Variants in DIAPH3 observed in about 807,000 individuals in gnomAD.
DIAPH3 encodes protein diaphanous homolog 3.
A neutral mutation model predicts 144.3 loss-of-function variants in DIAPH3; 117 were observed. The ratio of observed to expected loss-of-function variants is 0.81; its 90% confidence interval spans 0.70 to 0.95. The LOEUF is 0.95. Ranked by LOEUF, DIAPH3 falls within the 40% of genes least tolerant of loss-of-function variation. DIAPH3 has a pLI of 0.00. For synonymous variants in DIAPH3, 519 were observed against 488.9 expected, an observed-to-expected ratio of 1.06 and a Z score of -0.81; for missense variants, 1,421 against 1,412.7, an observed-to-expected ratio of 1.01 and a Z score of -0.09.
At chr13:59,687,984 A>C (rs935457250) in intron 27 of DIAPH3, among the ~76,000 whole-genome samples, 1 of 152,114 alleles carries the variant, frequency 6.6e-6, no homozygotes, top group African/African-American at 2.4e-5. Context: ...GATTGTATTG[A>C]AGCCTTCAGA....
At chr13:60,023,485 G>A (rs2054164695) in intron 5 of DIAPH3, among the ~76,000 whole-genome samples, 1 of 151,434 alleles carries the variant, frequency 6.6e-6, no homozygotes, top group Admixed American at 6.6e-5. Flanking sequence ...CCAAACTGGA[G>A]GGCAGTGGTG....
At chr13:59,981,723 A>C (rs1009741248) in intron 13 of DIAPH3, among the ~76,000 whole-genome samples, 1 of 151,414 alleles carries the variant, frequency 6.6e-6, no homozygotes, top group African/African-American at 2.4e-5. Context: ...AAATAAGTCA[A>C]CAAAGTTACT....
chr13:59,871,367 G>A (rs2044267012), intron 21 of DIAPH3, among the ~76,000 whole-genome samples: 1 of 152,080 alleles, frequency 6.6e-6, no homozygotes, highest in African/African-American at 2.4e-5. Flanking sequence ...CACCTGCATT[G>A]CTTCCAGTTT....
intron 24 of DIAPH3, among the ~76,000 whole-genome samples, chr13:59,826,049 C>T (rs1216518045): frequency 1.3e-5 from 2 of 152,120 alleles, no homozygotes; most frequent in Non-Finnish European, 2.9e-5. Flanking sequence ...TAAGAGTTAT[C>T]TAGGACAAAC....
chr13:60,132,490 G>A (rs778640115), intron 2 of DIAPH3, among the ~76,000 whole-genome samples: 1 of 152,092 alleles, frequency 6.6e-6, no homozygotes, highest in Non-Finnish European at 1.5e-5. Flanking sequence ...GTGTTACTAT[G>A]AGAAGCCCTA....
chr13:59,747,000 TA>T (rs1457092495), intron 27 of DIAPH3, among the ~76,000 whole-genome samples: 1 of 152,188 alleles, frequency 6.6e-6, no homozygotes, highest in Non-Finnish European at 1.5e-5. Context: ...AATATATAAT[TA>T]CTTGGAAACA....
At chr13:59,693,876 T>C (rs1054051081) in intron 27 of DIAPH3, among the ~76,000 whole-genome samples, 29 of 152,278 alleles carry the variant, frequency 1.9e-4, no homozygotes, top group Admixed American at 1.8e-3. Context: ...TTCAAGGAAA[T>C]AGTTTCTGAA....
intron 1 of DIAPH3, among the ~76,000 whole-genome samples, chr13:60,162,803 TCTCTCTCACACACA>T (rs781302130): frequency 7.2e-6 from 1 of 138,444 alleles, no homozygotes; most frequent in Non-Finnish European, 1.6e-5. Context: ...TCTCTCTCTC[TCTCTCTCACACACA>T]CACACACACA....
intron 27 of DIAPH3, among the ~76,000 whole-genome samples, chr13:59,740,518 C>A (rs1037832344): frequency 6.6e-6 from 1 of 152,120 alleles, no homozygotes; most frequent in Non-Finnish European, 1.5e-5. Flanking sequence ...GCTGGGATTT[C>A]CCAGATGCTA....
intron 22 of DIAPH3, among the ~76,000 whole-genome samples, chr13:59,854,793 G>A (rs1178931030): frequency 2.0e-5 from 3 of 152,238 alleles, no homozygotes; most frequent in South Asian, 2.1e-4. Flanking sequence ...CTTCAAATCC[G>A]TAGCTGGCCC....
intron 25 of DIAPH3, among the ~76,000 whole-genome samples, chr13:59,803,177 TAC>T (rs1320597917): frequency 6.6e-6 from 1 of 152,176 alleles, no homozygotes; most frequent in Admixed American, 6.5e-5. Context: ...TTATCAAAGT[TAC>T]AGAGTTTTCC....
chr13:60,134,066 T>C (rs767854074), intron 1 of DIAPH3, among the ~76,000 whole-genome samples: 16 of 152,206 alleles, frequency 1.1e-4, no homozygotes, highest in Admixed American at 6.5e-5. Context: ...ACAATGTAAA[T>C]CACCATCCCA....
intron 4 of DIAPH3, among the ~76,000 whole-genome samples, chr13:60,069,852 A>G (rs1182507091): frequency 6.6e-6 from 1 of 152,156 alleles, no homozygotes; most frequent in South Asian, 2.1e-4. Flanking sequence ...TTTTTGTACA[A>G]ATACCATGCT....
intron 5 of DIAPH3, among the ~76,000 whole-genome samples, chr13:60,030,424 CCAAA>C (rs2054703973): frequency 6.6e-6 from 1 of 152,036 alleles, no homozygotes; most frequent in Admixed American, 6.6e-5. Flanking sequence ...ATCTAGTATT[CCAAA>C]CAGAGAATAC....
intron 7 of DIAPH3, among the ~76,000 whole-genome samples, chr13:60,011,089 G>A (rs553710890): frequency 6.6e-6 from 1 of 151,610 alleles, no homozygotes; most frequent in South Asian, 2.1e-4. Flanking sequence ...TGGGCAACAA[G>A]AGCAAAACTC....
chr13:59,666,667 C>A lies in DIAPH3; in HGVS notation c.3499G>T (p.Glu1167Ter). 1 of 1,613,952 alleles carries A rather than the reference C, an allele frequency of 6.2e-7. No individual in the cohort carries two copies. The highest frequency in any genetic ancestry group is 1.1e-5 in the South Asian group (1 of 91,074). The change falls in exon 28 of 28, where the codon GAA becomes TAA. Residue 1167 changes from glutamate (E) to a stop codon, truncating the protein, a stop_gained. Coordinates refer to ENST00000400324, the MANE Select transcript of DIAPH3 (RefSeq NM_001042517.2). LOFTEE classifies it high-confidence loss of function. ...ACNVESNRKK[E>*]TELLGSFSKN... ...GAAAAAGAGCCAAGAAGTTCCGTTT[C>A]CTTTTTTCTGTTGCTTTCTACATTA...
At chr13:59,888,015 A>G (rs1252514785) in intron 20 of DIAPH3, among the ~76,000 whole-genome samples, 1 of 152,078 alleles carries the variant, frequency 6.6e-6, no homozygotes, top group African/African-American at 2.4e-5. Context: ...ACACATACCC[A>G]TGATATTTTT....
intron 20 of DIAPH3, 106 bp downstream of exon 20, chr13:59,911,627 ATG>A: frequency 1.2e-6 from 1 of 813,920 alleles, no homozygotes; most frequent in Non-Finnish European, 2.1e-6. Flanking sequence ...TGGATATTAA[ATG>A]TATGTGATTA....
At position 60,093,648 on chromosome 13, in the gene DIAPH3, T is replaced by C. The variant is rs193164225; in HGVS notation, c.475A>G (p.Ile159Val). Residue 159 changes from isoleucine to valine, a missense_variant, in exon 4 of 28, where the codon ATT becomes GTT. Ile to Val is a conservative substitution (Grantham distance 29, BLOSUM62 3). Transcript: ENST00000400324. ...CTTACTGTCTTAGAAGCAGTATTAA[T>C]GTACTGCATCACCATTTCTTTTTTG... ...SIKKEMVMQY[I>V]NTASKTGSLK... The C allele has an allele frequency of 6.2e-7, 1 of 1,606,412 alleles. No homozygotes were observed. Among genetic ancestry groups the C allele is most frequent in the Non-Finnish European group, 8.5e-7 (1 of 1,173,914 alleles).
Sources: gnomAD v4.1 joint callset for allele counts (sites outside exome capture counted in the v4.1 genomes callset) on GRCh38, gnomAD v4.1.1 for gene constraint, MANE v1.5 for transcripts, NCBI Gene and HGNC (gene_info 2026-07-23, HGNC 2026-07-21) for gene names.